ACAD10: variants seen among roughly 807,000 people sequenced by gnomAD.
ACAD10 encodes ACAD-10.
In ACAD10, 112 loss-of-function variants were observed where a neutral mutation model predicts 116.8. The observed-to-expected ratio is 0.96, with a 90% CI of 0.82 to 1.12. ACAD10 has a LOEUF of 1.12. Among genes scored for constraint, ACAD10 ranks in the 50% most tolerant of loss-of-function variants. The probability of loss-of-function intolerance (pLI) is 0.00; values close to 1 mark genes in which losing one functional copy is unlikely to be tolerated. For synonymous variants in ACAD10, 486 were observed against 510.6 expected (o/e 0.95, Z 0.65); for missense variants, 1,259 against 1,350.2 (o/e 0.93, Z 1.06).
intron 8 of ACAD10, among the ~76,000 whole-genome samples, chr12:111,723,395 C>T (rs1168805739): frequency 1.2e-4 from 17 of 136,060 alleles, no homozygotes; most frequent in African/African-American, 3.6e-4. Context: ...CCCTCCCGGA[C>T]GGGGCGGCTG....
chr12:111,692,276 C>T (rs909261176), intron 1 of ACAD10, among the ~76,000 whole-genome samples: 1 of 152,030 alleles, frequency 6.6e-6, no homozygotes, highest in East Asian at 1.9e-4. Flanking sequence ...CCCAGATTTA[C>T]AATTTTTAAA....
chr12:111,691,201 G>A (rs1888030316), intron 1 of ACAD10: 1 of 152,162 alleles, frequency 6.6e-6, no homozygotes, highest in African/African-American at 2.4e-5. Context: ...ATGTATGTAT[G>A]TGTGTTGTGT....
rs546864565 is a variant in ACAD10 at position 111,750,124 on chromosome 12, C to T, written c.2817+779C>T. 2.9e-5 allele frequency among the ~76,000 whole-genome samples: 4 copies of T among 138,284 alleles called. No individual in the cohort carries two copies. In the South Asian group the frequency reaches 9.4e-4, roughly 32 times the overall value. 90.7% of individuals were successfully genotyped at this position (138,284 alleles called of 152,430 possible). On this transcript the variant is annotated intron_variant, in intron 18 of 20. Coordinates refer to ENST00000313698, the MANE Select transcript of ACAD10 (RefSeq NM_025247.6). ...TTTTTTTTTTTGAGACGGAATCTCA[C>T]TCTGTTGCCTAGGCTGGAGTGCAGT...
intron 2 of ACAD10, among the ~76,000 whole-genome samples, chr12:111,696,855 G>A (rs1404376317): frequency 2.6e-5 from 4 of 152,146 alleles, no homozygotes; most frequent in African/African-American, 7.2e-5. Context: ...GCCAAGGCAG[G>A]TGGATCACGA....
chr12:111,703,464 T>G (rs1020090042), intron 3 of ACAD10, among the ~76,000 whole-genome samples: 4 of 152,176 alleles, frequency 2.6e-5, no homozygotes, highest in Admixed American at 1.3e-4. Flanking sequence ...TAAAATATAG[T>G]AAGAAAAGTT....
At chr12:111,754,967 A>G (rs1172953412) in intron 19 of ACAD10, among the ~76,000 whole-genome samples, 1 of 152,210 alleles carries the variant, frequency 6.6e-6, no homozygotes, top group Non-Finnish European at 1.5e-5. Flanking sequence ...GCCGTACACC[A>G]GGCAGGGGCA....
chr12:111,722,207 GC>G lies in ACAD10; in HGVS notation c.1061+473del, dbSNP rs1889034393. On this transcript the variant is annotated intron_variant, in intron 8 of 20. Coordinates refer to ENST00000313698, the MANE Select transcript of ACAD10 (RefSeq NM_025247.6). ...CTCCTGAGTAGCTGGGATTACAGGTGCCCCCTACTATGCCCAGCTAGTTTTT... is the reference window on the plus strand; with the variant it reads ...CTCCTGAGTAGCTGGGATTACAGGTGCCCCTACTATGCCCAGCTAGTTTTT... 1.3e-5 allele frequency among the ~76,000 whole-genome samples: 2 copies of G among 151,924 alleles called. 1 individual carries two copies. The highest frequency in any genetic ancestry group is 4.2e-4 in the South Asian group (2 of 4,806).
chr12:111,746,280 C>A lies in ACAD10; in HGVS notation c.2252C>A (p.Pro751His). The stretch of plus-strand genomic sequence containing the variant: ...CTCATGGGCACGTCCCTGTATGCCC[C>A]CGAGGTACCTTCTTTAAAGTTTTCC... ...CELMGTSLYAPEVCNCSAPDT... is the reference protein window; with the variant it reads ...CELMGTSLYAHEVCNCSAPDT... Residue 751 changes from proline to histidine, a missense_variant, in exon 14 of 21, where the codon CCC becomes CAC. Physicochemically the swap from Pro to His is moderately conservative, Grantham distance 77 (BLOSUM62 -2). Coordinates refer to ENST00000313698, the MANE Select transcript of ACAD10 (RefSeq NM_025247.6). 6.2e-7 allele frequency: 1 copy of A among 1,610,416 alleles called. No individual in the cohort carries two copies. The highest frequency in any genetic ancestry group is 2.2e-5 in the East Asian group (1 of 44,786).
Position 111,732,711 on chromosome 12 carries a change from G to C in ACAD10, c.1395-1212G>C, listed in dbSNP as rs186371651. On this transcript the variant is annotated intron_variant, in intron 10 of 20. Transcript: ENST00000313698. Reference sequence around the variant, plus strand: ...GGCTATCTGGGGAGAGTTCAATATAGGGTTATTTAGTTCAATATAGCGTGG... The same window carrying C: ...GGCTATCTGGGGAGAGTTCAATATACGGTTATTTAGTTCAATATAGCGTGG... 5.7e-3 allele frequency among the ~76,000 whole-genome samples: 863 copies of C among 152,288 alleles called. 9 individuals carry two copies. Among genetic ancestry groups the C allele is most frequent in the African/African-American group, 0.02 (815 of 41,554 alleles).
chr12:111,751,002 A>C (rs529123574), intron 18 of ACAD10, among the ~76,000 whole-genome samples: 13 of 152,344 alleles, frequency 8.5e-5, no homozygotes, highest in Non-Finnish European at 1.6e-4. Flanking sequence ...TCAGCCCCAC[A>C]TGGAATTAAA....
intron 12 of ACAD10, among the ~76,000 whole-genome samples, chr12:111,742,997 G>A (rs1318970006): frequency 6.6e-6 from 1 of 152,060 alleles, no homozygotes; most frequent in Non-Finnish European, 1.5e-5. Context: ...GTGAGCCAAA[G>A]CACCCAGCCT....
chr12:111,748,061 CTAAAT>C (rs2135990996), intron 16 of ACAD10, among the ~76,000 whole-genome samples: 1 of 152,274 alleles, frequency 6.6e-6, no homozygotes, highest in South Asian at 2.1e-4. Flanking sequence ...CCTCTTGTCT[CTAAAT>C]TATATTTTCT....
At chr12:111,690,632 A>G (rs1240068872) in intron 1 of ACAD10, 7 of 152,114 alleles carry the variant, frequency 4.6e-5, no homozygotes, top group Admixed American at 4.6e-4. Flanking sequence ...TAAAAATACA[A>G]AAATTAGCCA....
chr12:111,694,179 C>T (rs973266868), intron 2 of ACAD10, among the ~76,000 whole-genome samples: 15 of 152,178 alleles, frequency 9.9e-5, no homozygotes, highest in Admixed American at 9.2e-4. Flanking sequence ...ATTACTCAGC[C>T]GTGCTAACTG....
At chr12:111,704,387 A>G (rs1888437453) in intron 3 of ACAD10, among the ~76,000 whole-genome samples, 1 of 151,900 alleles carries the variant, frequency 6.6e-6, no homozygotes, top group East Asian at 1.9e-4. Flanking sequence ...TGATCCGCCC[A>G]CCTTGGCCTC....
intron 8 of ACAD10, among the ~76,000 whole-genome samples, chr12:111,723,939 A>G (rs1399125553): frequency 2.2e-5 from 3 of 134,770 alleles, no homozygotes; most frequent in Non-Finnish European, 4.8e-5. Context: ...CGCTCCTCAC[A>G]TCCCAGACGG....
In ACAD10 at chr12:111,694,242, G is replaced by A. The variant is rs903472414; in HGVS notation, c.187+1346G>A. On this transcript the variant is annotated intron_variant, in intron 2 of 20. Coordinates refer to ENST00000313698, the MANE Select transcript of ACAD10 (RefSeq NM_025247.6). ...GCCTCAGTTGGGCCATTGGTGCTAC[G>A]CCTGAGCCTCTCTGTTCCTTCACTC... Among the ~76,000 whole-genome samples, 9 of 152,270 alleles carry A rather than the reference G, an allele frequency of 5.9e-5. 1 individual carries two copies. Among genetic ancestry groups the A allele is most frequent in the African/African-American group, 1.4e-4 (6 of 41,552 alleles).
chr12:111,712,976 T>C (rs749879048), intron 6 of ACAD10, among the ~76,000 whole-genome samples: 2 of 152,204 alleles, frequency 1.3e-5, no homozygotes, highest in African/African-American at 2.4e-5. Flanking sequence ...TTACAGTTTC[T>C]AATGCTTTGA....
intron 4 of ACAD10, among the ~76,000 whole-genome samples, 183 bp downstream of exon 4, chr12:111,706,115 G>C (rs1888496653): frequency 6.6e-6 from 1 of 152,162 alleles, no homozygotes; most frequent in South Asian, 2.1e-4. Context: ...TGTGTTCTTA[G>C]CAAGGTCAGA....
Sources: allele counts gnomAD v4.1 joint callset (sites outside exome capture counted in the v4.1 genomes callset), GRCh38; gene constraint gnomAD v4.1.1; transcripts MANE v1.5; gene names NCBI Gene and HGNC (gene_info 2026-07-23, HGNC 2026-07-21).